DRD3: variants seen among roughly 807,000 people sequenced by gnomAD.
DRD3 encodes the protein D(3) dopamine receptor.
A neutral mutation model predicts 36.3 loss-of-function variants in DRD3; 19 were observed. The observed-to-expected ratio is 0.52, with a 90% CI of 0.36 to 0.77. DRD3 has a LOEUF of 0.77. DRD3 is among the 30% of genes least tolerant of loss of function. The pLI is 0.00. For synonymous variants in DRD3, 195 were observed against 203.7 expected, an observed-to-expected ratio of 0.96 and a Z score of 0.36; for missense variants, 465 against 505.3, an observed-to-expected ratio of 0.92 and a Z score of 0.77.
upstream of DRD3, among the ~76,000 whole-genome samples, chr3:114,180,892 G>C (rs193088736): frequency 1.9e-3 from 294 of 152,270 alleles, 1 homozygote; most frequent in Non-Finnish European, 3.5e-3. Flanking sequence ...ATGTCAGGCT[G>C]TTATGTGAGC....
intron 6 of DRD3, among the ~76,000 whole-genome samples, 199 bp from the exon 7 acceptor site, chr3:114,129,111 G>A (rs559887222): frequency 2.0e-4 from 31 of 152,286 alleles, no homozygotes; most frequent in Admixed American, 1.3e-4. Flanking sequence ...GGGAGGCCGA[G>A]GCGGGTGGAT....
intron 4 of DRD3, 77 bp downstream of exon 4, chr3:114,147,336 GGC>G: frequency 6.5e-7 from 1 of 1,549,428 alleles, no homozygotes. Context: ...GAAATTGCAG[GGC>G]TGAGCACAAC....
intron 5 of DRD3, among the ~76,000 whole-genome samples, chr3:114,135,561 C>T (rs1559981532): frequency 6.6e-6 from 1 of 152,174 alleles, no homozygotes; most frequent in Non-Finnish European, 1.5e-5. Context: ...TAAGAGAATA[C>T]ATATTTAACA....
At chr3:114,157,012 T>C (rs1010633786) in intron 3 of DRD3, among the ~76,000 whole-genome samples, 5 of 147,134 alleles carry the variant, frequency 3.4e-5, no homozygotes, top group Admixed American at 6.9e-5. Context: ...CTCTCTCTCT[T>C]TCTTTCTTTC....
At chr3:114,150,125 A>T (rs1425682917) in intron 3 of DRD3, among the ~76,000 whole-genome samples, 3 of 151,420 alleles carry the variant, frequency 2.0e-5, no homozygotes, top group Non-Finnish European at 4.4e-5. Context: ...CTCCAACATG[A>T]CCTCAACTTA....
chr3:114,131,193 T>A lies in DRD3; in HGVS notation c.931A>T (p.Lys311Ter). The A allele has an allele frequency of 6.2e-7, 1 of 1,614,190 alleles. No individual in the cohort carries two copies. The highest frequency in any genetic ancestry group is 8.5e-7 in the Non-Finnish European group (1 of 1,180,040). The change falls in exon 6 of 7, where the codon AAG becomes TAG. Residue 311 changes from lysine to a stop codon, truncating the protein, a stop_gained. Coordinates refer to ENST00000383673, the MANE Select transcript of DRD3 (RefSeq NM_000796.6). LOFTEE classifies it high-confidence loss of function. ...LSNGRLSTSL[K>*]LGPLQPRGVP... The stretch of plus-strand genomic sequence containing the variant: ...CCCCGAGGTTGCAGGGGCCCCAGCT[T>A]CAAAGATGTCGATAATCTGCCATTG...
chr3:114,159,794 G>C lies in DRD3; in HGVS notation c.344C>G (p.Thr115Arg). The change falls in exon 3 of 7, where the codon ACA (threonine) becomes AGA (arginine). Residue 115 changes from threonine (T) to arginine (R), a missense_variant. Coordinates refer to ENST00000383673, the MANE Select transcript of DRD3 (RefSeq NM_000796.6). Reference sequence around the variant, plus strand: ...GGCACAGAGATTAAGGATGCTGGCTGTACACATCATGACATCCAGGGTGAC... The same window carrying C: ...GGCACAGAGATTAAGGATGCTGGCTCTACACATCATGACATCCAGGGTGAC... ...VFVTLDVMMCTASILNLCAIS... is the reference protein window; with the variant it reads ...VFVTLDVMMCRASILNLCAIS... 6.2e-7 allele frequency: 1 copy of C among 1,614,080 alleles called. No individual in the cohort carries two copies. The highest frequency in any genetic ancestry group is 8.5e-7 in the Non-Finnish European group (1 of 1,179,994).
chr3:114,192,848 T>G (rs1174117912), intron 1 of DRD3, among the ~76,000 whole-genome samples: 1 of 152,226 alleles, frequency 6.6e-6, no homozygotes, highest in Non-Finnish European at 1.5e-5. Flanking sequence ...TCAGAAACAC[T>G]TATAGCAATT....
chr3:114,194,410 G>C (rs1208839298), intron 1 of DRD3, among the ~76,000 whole-genome samples: 2 of 152,136 alleles, frequency 1.3e-5, no homozygotes, highest in Admixed American at 1.3e-4. Flanking sequence ...AGCCCCCCAA[G>C]TAGCTGGAAT....
chr3:114,156,777 TTCTTTCTTTCTTTCTTTCTTTC>T (rs1374497743), intron 3 of DRD3, among the ~76,000 whole-genome samples: 127 of 124,256 alleles, frequency 1.0e-3, no homozygotes, highest in African/African-American at 1.5e-3. Flanking sequence ...CTTTCTTTCT[TTCTTTCTTTCTTTCTTTCTTTC>T]TCTTTTCTTT....
chr3:114,190,456 A>G (rs1576093524), intron 1 of DRD3, among the ~76,000 whole-genome samples: 1 of 11,376 alleles, frequency 8.8e-5, no homozygotes, highest in Admixed American at 1.4e-3. Context: ...ATATATATAT[A>G]TATATATTTT....
chr3:114,197,317 C>T (rs1465800710), intron 1 of DRD3, among the ~76,000 whole-genome samples: 1 of 128,284 alleles, frequency 7.8e-6, no homozygotes, highest in Non-Finnish European at 1.6e-5. Context: ...GAAGAGGTCT[C>T]GCCATGTTGC....
chr3:114,163,076 T>C (rs2077748885), intron 2 of DRD3, among the ~76,000 whole-genome samples: 1 of 152,212 alleles, frequency 6.6e-6, no homozygotes, highest in South Asian at 2.1e-4. Flanking sequence ...TGTCATCCCA[T>C]TCTGGCTATC....
intron 1 of DRD3, among the ~76,000 whole-genome samples, chr3:114,195,770 A>G (rs549551148): frequency 1.3e-5 from 2 of 152,312 alleles, no homozygotes; most frequent in Non-Finnish European, 2.9e-5. Context: ...TAAGACTTTA[A>G]ACTTATAAAA....
intron 1 of DRD3, among the ~76,000 whole-genome samples, chr3:114,194,819 T>G (rs541276487): frequency 5.2e-4 from 77 of 148,946 alleles, no homozygotes; most frequent in Non-Finnish European, 2.6e-4. Flanking sequence ...TTGGGCATCT[T>G]GCAAAGATTT....
chr3:114,186,193 T>C (rs59493268), intron 1 of DRD3, among the ~76,000 whole-genome samples: 21,849 of 152,224 alleles, frequency 0.14, 1,857 homozygotes, highest in East Asian at 0.24. Flanking sequence ...AAGGTGGAAA[T>C]AGAAAAATAA....
upstream of DRD3, among the ~76,000 whole-genome samples, chr3:114,179,653 GC>G (rs1259664434): frequency 6.6e-6 from 1 of 152,078 alleles, no homozygotes; most frequent in Non-Finnish European, 1.5e-5. Flanking sequence ...TTTTACTGTG[GC>G]ATCCTAACCA....
chr3:114,162,775 GA>G (rs2077746190), intron 2 of DRD3, among the ~76,000 whole-genome samples: 1 of 152,166 alleles, frequency 6.6e-6, no homozygotes, highest in Non-Finnish European at 1.5e-5. Context: ...GGTGAGGAGG[GA>G]TAGTTGTTGG....
At chr3:114,148,567 A>T (rs2077589326) in intron 3 of DRD3, among the ~76,000 whole-genome samples, 2 of 152,032 alleles carry the variant, frequency 1.3e-5, no homozygotes. Context: ...CAGTCAACTC[A>T]AACTCAAGAT....
Sources: gnomAD v4.1 joint callset for allele counts (sites outside exome capture counted in the v4.1 genomes callset) on GRCh38, gnomAD v4.1.1 for gene constraint, MANE v1.5 for transcripts, NCBI Gene and HGNC (gene_info 2026-07-23, HGNC 2026-07-21) for gene names.